Variants in DNAH1 observed in about 807,000 individuals in gnomAD.
DNAH1 encodes the protein axonemal beta dynein heavy chain 1.
In DNAH1, 327 loss-of-function variants were observed where a neutral mutation model predicts 484.3. The ratio of observed to expected loss-of-function variants is 0.68; its 90% confidence interval spans 0.62 to 0.74. The LOEUF is 0.74. Among genes scored for constraint, DNAH1 ranks in the 30% least tolerant of loss-of-function variants. The pLI, the probability that DNAH1 is intolerant of heterozygous loss-of-function variation, is 0.00. For synonymous variants in DNAH1, 2,192 were observed against 2,191.9 expected, an observed-to-expected ratio of 1.00 and a Z score of 0.00; for missense variants, 5,052 against 5,546.8, an observed-to-expected ratio of 0.91 and a Z score of 2.83.
Position 52,346,788 on chromosome 3 carries a change from G to T in DNAH1, c.1955+18G>T. Reference sequence around the variant, plus strand: ...CCCTACAGGTGGGGCCCGGCGGGGCGGAGGCACCTGTTGACACCAGGTGAT... The same window carrying T: ...CCCTACAGGTGGGGCCCGGCGGGGCTGAGGCACCTGTTGACACCAGGTGAT... On this transcript the variant is annotated intron_variant, in intron 11 of 77. Coordinates refer to ENST00000420323, the MANE Select transcript of DNAH1 (RefSeq NM_015512.5). 1 of 1,592,910 alleles carries T rather than the reference G, an allele frequency of 6.3e-7. No individual in the cohort carries two copies. The highest frequency in any genetic ancestry group is 1.1e-5 in the South Asian group (1 of 88,962).
intron 66 of DNAH1, 53 bp from the exon 67 acceptor site, chr3:52,394,412 G>T: frequency 3.8e-6 from 6 of 1,580,840 alleles, no homozygotes; most frequent in Non-Finnish European, 4.3e-6. Flanking sequence ...GGTGCCCAGA[G>T]CAGGAGGAGC....
chr3:52,347,099 C>T lies in DNAH1; in HGVS notation c.1955+329C>T, dbSNP rs534532345. ...AAGACAGGCAGCAAGCAGATAAATA[C>T]ATACACACAGTCATTGCCGGTTTTG... On this transcript the variant is annotated intron_variant, in intron 11 of 77. Transcript: ENST00000420323. Among the ~76,000 whole-genome samples the T allele has an allele frequency of 5.3e-5, 8 of 152,350 alleles. No individual in the cohort carries two copies. The South Asian group carries it at 1.4e-3, about 28-fold the overall frequency.
intron 59 of DNAH1, among the ~76,000 whole-genome samples, chr3:52,389,174 C>T (rs948918453): frequency 6.6e-6 from 1 of 152,276 alleles, no homozygotes; most frequent in African/African-American, 2.4e-5. Flanking sequence ...GCTCACACTT[C>T]TGCACTTGCT....
chr3:52,384,998 G>T (rs1457453830), intron 53 of DNAH1, 21 bp downstream of exon 53: 2 of 1,602,034 alleles, frequency 1.2e-6, no homozygotes, highest in Non-Finnish European at 8.5e-7. Flanking sequence ...GCGAGTCCCC[G>T]TGGACAAGGT....
intron 60 of DNAH1, 65 bp from the exon 61 acceptor site, chr3:52,390,870 T>TGA: frequency 6.5e-7 from 1 of 1,546,098 alleles, no homozygotes; most frequent in South Asian, 1.2e-5. Context: ...CGGGAGATGC[T>TGA]GATGCCCTCA....
In DNAH1 at chr3:52,351,956, G is replaced by A. The variant is rs779985508; in HGVS notation, c.2730-6G>A. 28 of 1,599,136 alleles carry A rather than the reference G, an allele frequency of 1.8e-5. No homozygotes were observed. Among genetic ancestry groups the A allele is most frequent in the Admixed American group, 1.5e-4 (9 of 58,092 alleles). On this transcript the variant is annotated splice_polypyrimidine_tract_variant and splice_region_variant and intron_variant, in intron 16 of 77. Transcript: ENST00000420323. ...TTCTCCCAATCCCCACCCCCATCCC[G>A]GCCAGATGGATTGCCAGCAACTGGC...
chr3:52,393,871 C>T (rs779162764), intron 66 of DNAH1, among the ~76,000 whole-genome samples: 1 of 152,208 alleles, frequency 6.6e-6, no homozygotes, highest in African/African-American at 2.4e-5. Context: ...TGCACTCCAG[C>T]CTGGAAGACA....
chr3:52,394,604 A>G lies in DNAH1; in HGVS notation c.10766A>G (p.Asp3589Gly). ...CCAACCTTTTCCTCCTTCTCTTCCGACTTCGTGAAGCACCTCTCAGAATTC... is the reference window on the plus strand; with the variant it reads ...CCAACCTTTTCCTCCTTCTCTTCCGGCTTCGTGAAGCACCTCTCAGAATTC... ...NLPTFSSFSS[D>G]FVKHLSEFRV... is the part of the protein sequence containing the mutation. The change falls in exon 67 of 78, where the codon GAC (aspartate) becomes GGC (glycine). Residue 3589 changes from aspartate to glycine, a missense_variant. By Grantham distance (94) the Asp-to-Gly change is moderately conservative (BLOSUM62 -1). Around this residue, in one of 4 missense-constraint regions of DNAH1, gnomAD observed 853 missense variants for 899.0 expected, o/e 0.95. Coordinates refer to ENST00000420323, the MANE Select transcript of DNAH1 (RefSeq NM_015512.5). 1 of 1,604,532 alleles carries G rather than the reference A, an allele frequency of 6.2e-7. No homozygotes were observed. Among genetic ancestry groups the G allele is most frequent in the Non-Finnish European group, 8.5e-7 (1 of 1,173,944 alleles).
At chr3:52,376,760 C>T (rs1331418529) in intron 46 of DNAH1, among the ~76,000 whole-genome samples, 1 of 152,216 alleles carries the variant, frequency 6.6e-6, no homozygotes, top group Non-Finnish European at 1.5e-5. Context: ...AGCAAAACTC[C>T]TCCAAAGCAT....
Position 52,362,883 on chromosome 3 carries a change from A to G in DNAH1, c.5095-112A>G. ...GGGGAGTGAAAGCCTCAGCTGTGGCAGGCTTGGTGCAGCAGGGAGTCCCAG... is the reference window on the plus strand; with the variant it reads ...GGGGAGTGAAAGCCTCAGCTGTGGCGGGCTTGGTGCAGCAGGGAGTCCCAG... On this transcript the variant is annotated intron_variant, in intron 31 of 77. Transcript: ENST00000420323. This position sits in a 1 kb window ranked among gnomAD's most constrained non-coding sequence, Gnocchi z 5.1. 2 of 1,454,198 alleles carry G rather than the reference A, an allele frequency of 1.4e-6. No individual in the cohort carries two copies. The highest frequency in any genetic ancestry group is 1.2e-5 in the South Asian group (1 of 80,542). The allele number at this position is 1,454,198 out of a possible 1,614,324, so 90.1% of individuals were successfully genotyped here.
Position 52,344,658 on chromosome 3 carries a change from C to G in DNAH1, c.1444+11C>G. ...AGGTGCCTGAGCGAGGTGAGGGTCA[C>G]TGGACCAAGATGGGCTCCATGGCCA... On this transcript the variant is annotated intron_variant, in intron 9 of 77. Transcript: ENST00000420323. The G allele has an allele frequency of 6.2e-7, 1 of 1,610,178 alleles. No individual in the cohort carries two copies. The highest frequency in any genetic ancestry group is 8.5e-7 in the Non-Finnish European group (1 of 1,178,876).
At chr3:52,386,112 C>A (rs1704093449) in intron 54 of DNAH1, 48 bp from the exon 55 acceptor site, 1 of 1,561,542 alleles carries the variant, frequency 6.4e-7, no homozygotes, top group Non-Finnish European at 8.7e-7. Context: ...GACTAAGATG[C>A]AGAGAAGAGA....
chr3:52,332,098 A>G, intron 7 of DNAH1, 44 bp from the exon 8 acceptor site: 2 of 1,532,296 alleles, frequency 1.3e-6, no homozygotes, highest in Non-Finnish European at 1.8e-6. Context: ...TCAGCCCAGA[A>G]AGCCTGATTG....
chr3:52,385,959 G>A (rs1456144495), intron 54 of DNAH1, among the ~76,000 whole-genome samples: 1 of 152,226 alleles, frequency 6.6e-6, no homozygotes, highest in Non-Finnish European at 1.5e-5. Flanking sequence ...ATCCAAACTT[G>A]TAAGGCCCCA....
In DNAH1 at chr3:52,370,751, T is replaced by C; in HGVS notation, c.6451T>C (p.Phe2151Leu). Residue 2151 changes from phenylalanine (F) to leucine (L), a missense_variant, in exon 41 of 78, where the codon TTC becomes CTC. Phe to Leu is a conservative substitution (Grantham distance 22). Coordinates refer to ENST00000420323, the MANE Select transcript of DNAH1 (RefSeq NM_015512.5). ...GCTTTTCCCAGAAGAGGGGCTGGTG[T>C]TCGATTACAGGCTGGAGGACGCGGG... ...TLLFPEEGLV[F>L]DYRLEDAGIS... The C allele has an allele frequency of 6.2e-7, 1 of 1,607,388 alleles. No homozygotes were observed. Among genetic ancestry groups the C allele is most frequent in the South Asian group, 1.1e-5 (1 of 89,562 alleles).
intron 1 of DNAH1, among the ~76,000 whole-genome samples, chr3:52,317,423 C>G (rs1309793042): frequency 6.6e-6 from 1 of 152,148 alleles, no homozygotes; most frequent in Non-Finnish European, 1.5e-5. Flanking sequence ...AGCCAAGCCC[C>G]AGGAGAACCA....
intron 15 of DNAH1, 106 bp downstream of exon 15, chr3:52,350,214 G>C (rs1702317660): frequency 6.7e-7 from 1 of 1,492,792 alleles, no homozygotes; most frequent in Non-Finnish European, 9.1e-7. Flanking sequence ...AGGAGGCTGA[G>C]GGTAAGGTAG....
chr3:52,347,751 G>A lies in DNAH1; in HGVS notation c.1956-73G>A, dbSNP rs554513972. On this transcript the variant is annotated intron_variant, in intron 11 of 77. Coordinates refer to ENST00000420323, the MANE Select transcript of DNAH1 (RefSeq NM_015512.5). ...GGCTCAAGAGTCATAGCGCTGGCAG[G>A]AAGGGCAGAGGGCTGCTCCTGCACA... 65 of 1,448,306 alleles carry A rather than the reference G, an allele frequency of 4.5e-5. No individual in the cohort carries two copies. The African/African-American group carries it at 8.4e-4, about 19-fold the overall frequency. 89.7% of individuals were successfully genotyped at this position (1,448,306 alleles called of 1,614,324 possible). A position where few individuals can be genotyped will look rare whatever the true frequency, so the allele number is the denominator to read the frequency against.
intron 4 of DNAH1, 23 bp downstream of exon 4, chr3:52,326,337 G>A (rs1372300630): frequency 6.3e-7 from 1 of 1,594,480 alleles, no homozygotes. Context: ...GGGCTGTGGG[G>A]AGACTGTCGG....
Sources: gnomAD v4.1 joint callset for allele counts (sites outside exome capture counted in the v4.1 genomes callset) on GRCh38, gnomAD v4.1.1 for gene constraint, gnomAD v4.1.1 regional missense constraint, Gnocchi (gnomAD v3.1) non-coding constraint, MANE v1.5 for transcripts, NCBI Gene and HGNC (gene_info 2026-07-23, HGNC 2026-07-21) for gene names.